RFTN2: variants seen among roughly 807,000 people sequenced by gnomAD.
RFTN2 encodes the protein raftlin family member 2.
A neutral mutation model predicts 52.7 loss-of-function variants in RFTN2; 34 were observed. That is an observed-to-expected ratio of 0.64 (90% confidence interval 0.49 to 0.86). RFTN2 has a LOEUF of 0.86. Among genes scored for constraint, RFTN2 ranks in the 40% least tolerant of loss-of-function variants. The pLI is 0.00. For synonymous variants in RFTN2, 203 were observed against 217.7 expected, an observed-to-expected ratio of 0.93 and a Z score of 0.59; for missense variants, 536 against 600.1, an observed-to-expected ratio of 0.89 and a Z score of 1.12.
chr2:197,644,506 A>C (rs2088720432), intron 2 of RFTN2, among the ~76,000 whole-genome samples: 1 of 152,236 alleles, frequency 6.6e-6, no homozygotes, highest in South Asian at 2.1e-4. Context: ...GTTAGAAAGA[A>C]AGAAAAGCTT....
intron 5 of RFTN2, among the ~76,000 whole-genome samples, chr2:197,618,296 C>A (rs536324535): frequency 1.3e-5 from 2 of 152,138 alleles, no homozygotes; most frequent in South Asian, 2.1e-4. Context: ...CTGTGTTGGC[C>A]GGGCTGGTCT....
At chr2:197,600,389 A>T (rs997567054) in intron 7 of RFTN2, among the ~76,000 whole-genome samples, 1 of 152,138 alleles carries the variant, frequency 6.6e-6, no homozygotes, top group Admixed American at 6.5e-5. Flanking sequence ...AATTTGAGAT[A>T]TGTCGGAAAC....
Position 197,596,024 on chromosome 2 carries a change from T to C in RFTN2, c.1200A>G (p.Pro400=). The C allele has an allele frequency of 6.2e-7, 1 of 1,612,554 alleles. No homozygotes were observed. Among genetic ancestry groups the C allele is most frequent in the Non-Finnish European group, 8.5e-7 (1 of 1,178,744 alleles). The change falls in exon 8 of 9, where the codon CCA becomes CCG. Residue 400 remains proline (P), a synonymous_variant. Coordinates refer to ENST00000295049, the MANE Select transcript of RFTN2 (RefSeq NM_144629.3). ...TTTGAGCAGCTGAATTCCACATAAC[T>C]GGCCTCTGAAGGAATACGATCTGCT... ...ATKQIVFLQR[P]VMWNSAAQTP...
Position 197,634,983 on chromosome 2 carries a change from G to A in RFTN2, c.439-986C>T, listed in dbSNP as rs527968988. 6.3e-3 allele frequency among the ~76,000 whole-genome samples: 698 copies of A among 110,912 alleles called. 9 individuals carry two copies. The highest frequency in any genetic ancestry group is 0.022 in the African/African-American group (627 of 28,620). The allele number at this position is 110,912 out of a possible 152,430, so 72.8% of individuals were successfully genotyped here. Reference sequence around the variant, plus strand: ...TTCCCACCTATGAGTGAGAATATGCGGTGTTTCGTTTTTTGTTCTTGCGAT... The same window carrying A: ...TTCCCACCTATGAGTGAGAATATGCAGTGTTTCGTTTTTTGTTCTTGCGAT... On this transcript the variant is annotated intron_variant, in intron 3 of 8. Coordinates refer to ENST00000295049, the MANE Select transcript of RFTN2 (RefSeq NM_144629.3).
At chr2:197,638,013 G>C (rs1185033560) in intron 3 of RFTN2, among the ~76,000 whole-genome samples, 1 of 150,038 alleles carries the variant, frequency 6.7e-6, no homozygotes, top group African/African-American at 2.4e-5. Context: ...AGTCATTCAG[G>C]AGCAGGTTGT....
intron 7 of RFTN2, among the ~76,000 whole-genome samples, chr2:197,614,546 C>T (rs1312325417): frequency 1.3e-5 from 2 of 152,208 alleles, no homozygotes; most frequent in African/African-American, 4.8e-5. Context: ...CTGCAGATGG[C>T]AAAACTAAAA....
intron 1 of RFTN2, among the ~76,000 whole-genome samples, chr2:197,651,763 C>T (rs115899837): frequency 3.0e-4 from 45 of 152,256 alleles, no homozygotes; most frequent in African/African-American, 1.1e-3. Context: ...ACAATGGCAT[C>T]TATTTTTTGG....
At chr2:197,583,738 T>C (rs1171196493) in intron 8 of RFTN2, among the ~76,000 whole-genome samples, 1 of 151,970 alleles carries the variant, frequency 6.6e-6, no homozygotes, top group Admixed American at 6.6e-5. Flanking sequence ...ATTAACTCAT[T>C]GTTTACATTA....
At chr2:197,587,118 C>A (rs959469686) in intron 8 of RFTN2, among the ~76,000 whole-genome samples, 5 of 152,114 alleles carry the variant, frequency 3.3e-5, no homozygotes, top group Admixed American at 1.3e-4. Context: ...CAGGCCATCA[C>A]CAGTCATTCT....
chr2:197,626,548 T>C (rs2088362007), intron 5 of RFTN2, among the ~76,000 whole-genome samples: 2 of 132,022 alleles, frequency 1.5e-5, no homozygotes. Flanking sequence ...TGGGTGACAG[T>C]GAGACCCCAT....
At chr2:197,612,576 A>G (rs1464580295) in intron 7 of RFTN2, among the ~76,000 whole-genome samples, 1 of 152,216 alleles carries the variant, frequency 6.6e-6, no homozygotes, top group African/African-American at 2.4e-5. Context: ...TGAAGGAAAA[A>G]GGATTGAGCC....
chr2:197,584,316 A>G (rs578118095), intron 8 of RFTN2, among the ~76,000 whole-genome samples: 54 of 152,262 alleles, frequency 3.5e-4, no homozygotes, highest in African/African-American at 1.3e-3. Context: ...AATGATCGCC[A>G]TTCTAACTGG....
chr2:197,614,105 C>T (rs1039518528), intron 7 of RFTN2, among the ~76,000 whole-genome samples: 1 of 152,202 alleles, frequency 6.6e-6, no homozygotes, highest in African/African-American at 2.4e-5. Context: ...TTACACAATA[C>T]ATAAGCTTGA....
At chr2:197,593,654 C>T (rs1357262286) in intron 8 of RFTN2, among the ~76,000 whole-genome samples, 1 of 151,802 alleles carries the variant, frequency 6.6e-6, no homozygotes, top group Non-Finnish European at 1.5e-5. Context: ...TGTGGGAGGC[C>T]GAGGTGGGGG....
intron 4 of RFTN2, among the ~76,000 whole-genome samples, chr2:197,633,030 T>C (rs2088492456): frequency 6.6e-6 from 1 of 152,188 alleles, no homozygotes; most frequent in South Asian, 2.1e-4. Context: ...AGAGCCCATG[T>C]TGTTAATGCT....
At chr2:197,615,852 T>C (rs1158997013) in intron 7 of RFTN2, 24 bp downstream of exon 7, 1 of 1,144,216 alleles carries the variant, frequency 8.7e-7, no homozygotes, top group Non-Finnish European at 1.3e-6. Flanking sequence ...TAAATGATAG[T>C]ATGTAAGGAT....
At chr2:197,637,920 G>A (rs2088596070) in intron 3 of RFTN2, among the ~76,000 whole-genome samples, 1 of 151,522 alleles carries the variant, frequency 6.6e-6, no homozygotes, top group African/African-American at 2.4e-5. Context: ...ATGCATCCCA[G>A]AGATTCTGGT....
In RFTN2 at chr2:197,571,367, C is replaced by A. The variant is rs1248864420; in HGVS notation, c.*641G>T. On this transcript the variant is annotated 3_prime_UTR_variant, in exon 9 of 9. Transcript: ENST00000295049. ...TGCATTTTTAGGCTTTTAGGAGCAA[C>A]AACATTTATGTACAATGAATCAGTA... 2 of 152,468 alleles carry A rather than the reference C, an allele frequency of 1.3e-5. No individual in the cohort carries two copies. The highest frequency in any genetic ancestry group is 1.3e-4 in the Admixed American group (2 of 15,260). 9.4% of individuals were successfully genotyped at this position (152,468 alleles called of 1,614,324 possible).
intron 1 of RFTN2, among the ~76,000 whole-genome samples, chr2:197,666,508 T>TATTCTGATGGAGA (rs2089065046): frequency 6.6e-6 from 1 of 152,258 alleles, no homozygotes; most frequent in South Asian, 2.1e-4. Flanking sequence ...AATCTGCTGT[T>TATTCTGATGGAGA]ATTCTGATGG....
Sources: allele counts gnomAD v4.1 joint callset (sites outside exome capture counted in the v4.1 genomes callset), GRCh38; gene constraint gnomAD v4.1.1; transcripts MANE v1.5; gene names NCBI Gene and HGNC (gene_info 2026-07-23, HGNC 2026-07-21).